Variants in MAP3K14 observed in about 807,000 individuals in gnomAD.
The protein encoded by MAP3K14 is NF-kappa-beta-inducing kinase.
A neutral mutation model predicts 99.2 loss-of-function variants in MAP3K14; 16 were observed. The observed-to-expected ratio is 0.16, with a 90% CI of 0.11 to 0.24. The LOEUF is 0.24. Ranked by LOEUF, MAP3K14 falls within the 10% of genes least tolerant of loss-of-function variation. The pLI is 1.00. For missense variants in MAP3K14, 784 were observed against 1,208.7 expected (o/e 0.65, Z 5.21); for synonymous variants, 462 against 492.4 (o/e 0.94, Z 0.82).
chr17:45,284,595 C>G (rs1394413912), intron 6 of MAP3K14, among the ~76,000 whole-genome samples: 1 of 152,228 alleles, frequency 6.6e-6, no homozygotes, highest in Non-Finnish European at 1.5e-5. Context: ...CACTGCCTCT[C>G]ACATACACAC....
intron 1 of MAP3K14, among the ~76,000 whole-genome samples, chr17:45,307,770 T>TGA (rs2044441538): frequency 6.6e-6 from 1 of 152,200 alleles, no homozygotes; most frequent in Non-Finnish European, 1.5e-5. Flanking sequence ...TAGTCACTGG[T>TGA]GACTGGTTCT....
intron 1 of MAP3K14, among the ~76,000 whole-genome samples, chr17:45,292,410 A>G (rs2044317711): frequency 6.6e-6 from 1 of 152,146 alleles, no homozygotes; most frequent in African/African-American, 2.4e-5. Flanking sequence ...ACAAAAAAAT[A>G]CAAAAAATTA....
rs1334489483 is a variant in MAP3K14, at chr17:45,264,808, T to G, written c.2680-8A>C. The G allele has an allele frequency of 1.2e-6, 2 of 1,612,138 alleles. No homozygotes were observed. Among genetic ancestry groups the G allele is most frequent in the African/African-American group, 1.3e-5 (1 of 74,856 alleles). On this transcript the variant is annotated splice_polypyrimidine_tract_variant and splice_region_variant and intron_variant, in intron 15 of 15. Coordinates refer to ENST00000344686, the MANE Select transcript of MAP3K14 (RefSeq NM_003954.5). ...GAAGGCTGCAGCTGGGATCTAAGGG[T>G]GGAGCAAACCAGTGGGCTGAGATCA...
In MAP3K14 at chr17:45,286,675, T is replaced by C; in HGVS notation, c.908A>G (p.Lys303Arg). ...QKPLPDPHLSKLACVDSPKPL... is the reference protein window; with the variant it reads ...QKPLPDPHLSRLACVDSPKPL... Reference sequence around the variant, plus strand: ...CTTTGGACTGTCTACACAGGCCAGTTTGCTCAGGTGTGGGTCAGGCAAGGG... The same window carrying C: ...CTTTGGACTGTCTACACAGGCCAGTCTGCTCAGGTGTGGGTCAGGCAAGGG... The change falls in exon 5 of 16, where the codon AAA becomes AGA. Residue 303 changes from lysine to arginine, a missense_variant. Coordinates refer to ENST00000344686, the MANE Select transcript of MAP3K14 (RefSeq NM_003954.5). This position sits in a 1 kb window ranked among gnomAD's most constrained non-coding sequence, Gnocchi z 4.1. 1 of 1,610,550 alleles carries C rather than the reference T, an allele frequency of 6.2e-7. No individual in the cohort carries two copies. Among genetic ancestry groups the C allele is most frequent in the Non-Finnish European group, 8.5e-7 (1 of 1,178,586 alleles).
Position 45,286,683 on chromosome 17 carries a change from G to A in MAP3K14, c.900C>T (p.His300=), listed in dbSNP as rs777154990. Residue 300 remains histidine, a synonymous_variant, in exon 5 of 16, where the codon CAC becomes CAT. Coordinates refer to ENST00000344686, the MANE Select transcript of MAP3K14 (RefSeq NM_003954.5). This position sits in a 1 kb window ranked among gnomAD's most constrained non-coding sequence, Gnocchi z 4.1. Reference sequence around the variant, plus strand: ...TGTCTACACAGGCCAGTTTGCTCAGGTGTGGGTCAGGCAAGGGTTTCTGGC... The same window carrying A: ...TGTCTACACAGGCCAGTTTGCTCAGATGTGGGTCAGGCAAGGGTTTCTGGC... The part of the protein sequence containing the change: ...VDSQKPLPDP[H]LSKLACVDSP... The A allele has an allele frequency of 6.2e-7, 1 of 1,610,358 alleles. No individual in the cohort carries two copies. The highest frequency in any genetic ancestry group is 1.1e-5 in the South Asian group (1 of 90,222).
chr17:45,266,520 T>C lies in MAP3K14; in HGVS notation c.2578+17A>G. The C allele has an allele frequency of 6.3e-7, 1 of 1,591,954 alleles. No individual in the cohort carries two copies. The highest frequency in any genetic ancestry group is 8.6e-7 in the Non-Finnish European group (1 of 1,164,072). On this transcript the variant is annotated intron_variant, in intron 14 of 15. Coordinates refer to ENST00000344686, the MANE Select transcript of MAP3K14 (RefSeq NM_003954.5). ...GCTGCCACGGGGACTGCTGAGCAGG[T>C]GGGAATTGGACTGTACCATTGAAAT...
At chr17:45,274,092 G>A (rs955406138) in intron 8 of MAP3K14, 31 bp downstream of exon 8, 3 of 1,601,262 alleles carry the variant, frequency 1.9e-6, no homozygotes, top group Non-Finnish European at 1.7e-6. Context: ...AGAGCCTGCT[G>A]GGGATCAGGG....
At chr17:45,289,159 G>T in intron 3 of MAP3K14, 77 bp downstream of exon 3, 1 of 1,315,992 alleles carries the variant, frequency 7.6e-7, no homozygotes, top group South Asian at 1.2e-5. Context: ...CAGCAGGAGC[G>T]GCCCAGGCAA....
intron 14 of MAP3K14, chr17:45,266,137 T>G (rs2044079841): frequency 6.0e-6 from 1 of 166,036 alleles, no homozygotes; most frequent in African/African-American, 2.4e-5. Context: ...CTTTCTCATC[T>G]GACCTCAAAT....
Position 45,267,277 on chromosome 17 carries a change from C to T in MAP3K14, c.2327-79G>A, listed in dbSNP as rs371859560. The T allele has an allele frequency of 6.6e-5, 91 of 1,370,348 alleles. 3 individuals are homozygous for T. The African/African-American group carries it at 7.6e-4, about 11-fold the overall frequency. The allele number at this position is 1,370,348 out of a possible 1,614,324, so 84.9% of individuals were successfully genotyped here. On this transcript the variant is annotated intron_variant, in intron 12 of 15. Transcript: ENST00000344686. This position sits in a 1 kb window ranked among gnomAD's most constrained non-coding sequence, Gnocchi z 5.1. ...TTTTCAGGGGTTCTTCCTGCACAGT[C>T]GGTAGAAGCTGAGCTGCTGGGGAAG...
intron 15 of MAP3K14, 72 bp from the exon 16 acceptor site, chr17:45,264,872 C>G: frequency 6.6e-7 from 1 of 1,504,202 alleles, no homozygotes; most frequent in Non-Finnish European, 9.0e-7. Flanking sequence ...GTAAAGACAT[C>G]TCCTTCCAGC....
At chr17:45,266,738 G>A (rs1187279824) in intron 13 of MAP3K14, 57 bp from the exon 14 acceptor site, 49 of 1,551,214 alleles carry the variant, frequency 3.2e-5, no homozygotes, top group Non-Finnish European at 3.9e-5. Context: ...ATCCATCTCC[G>A]GCTTGGGTCT....
chr17:45,285,716 G>A (rs2044258673), intron 5 of MAP3K14, among the ~76,000 whole-genome samples: 1 of 152,116 alleles, frequency 6.6e-6, no homozygotes. Context: ...AGCACTTTTG[G>A]AGGCCAATGT....
intron 1 of MAP3K14, among the ~76,000 whole-genome samples, chr17:45,310,951 G>A (rs1176542084): frequency 1.3e-5 from 2 of 152,108 alleles, no homozygotes; most frequent in African/African-American, 2.4e-5. Flanking sequence ...GCCTGGCAGA[G>A]CTTGCAGAAA....
Position 45,274,556 on chromosome 17 carries a change from G to A in MAP3K14, c.1328C>T (p.Ala443Val), listed in dbSNP as rs775512216. Residue 443 changes from alanine to valine, a missense_variant, in exon 7 of 16, where the codon GCA becomes GTA. By Grantham distance (64) the Ala-to-Val change is moderately conservative (BLOSUM62 0). Coordinates refer to ENST00000344686, the MANE Select transcript of MAP3K14 (RefSeq NM_003954.5). ...TCTGGGTGAGGTCAATCCTGCACAT[G>A]CCATCAGCTCCTCTGCCCGAAATAC... ...LEVFRAEELM[A>V]CAGLTSPRIV... 6.2e-7 allele frequency: 1 copy of A among 1,613,966 alleles called. No individual in the cohort carries two copies. Among genetic ancestry groups the A allele is most frequent in the Non-Finnish European group, 8.5e-7 (1 of 1,179,906 alleles).
chr17:45,264,899 A>G, intron 15 of MAP3K14, 99 bp from the exon 16 acceptor site: 3 of 1,276,588 alleles, frequency 2.4e-6, no homozygotes, highest in South Asian at 2.9e-5. Flanking sequence ...GGCAGCCCTA[A>G]GGGCACTGCC....
chr17:45,277,234 T>C (rs1241827434), intron 6 of MAP3K14, among the ~76,000 whole-genome samples: 2 of 152,206 alleles, frequency 1.3e-5, no homozygotes, highest in African/African-American at 2.4e-5. Flanking sequence ...ACATGTGCCA[T>C]GTTGGTGTGC....
chr17:45,311,832 G>C (rs1213600466), intron 1 of MAP3K14, among the ~76,000 whole-genome samples: 1 of 152,188 alleles, frequency 6.6e-6, no homozygotes, highest in Non-Finnish European at 1.5e-5. Flanking sequence ...GGATTTCCCA[G>C]CTCCCCAGGG....
intron 1 of MAP3K14, among the ~76,000 whole-genome samples, chr17:45,306,121 C>T (rs1175475314): frequency 6.6e-6 from 1 of 152,156 alleles, no homozygotes; most frequent in African/African-American, 2.4e-5. Context: ...GTAATGCGTG[C>T]ATTTTTTTCT....
Sources: allele counts gnomAD v4.1 joint callset (sites outside exome capture counted in the v4.1 genomes callset), GRCh38; gene constraint gnomAD v4.1.1; non-coding constraint Gnocchi (gnomAD v3.1); transcripts MANE v1.5; gene names NCBI Gene and HGNC (gene_info 2026-07-23, HGNC 2026-07-21).